Variants in TLCD3A observed in about 807,000 individuals in gnomAD.
The protein encoded by TLCD3A is TLC domain containing 3A, also known as TLC domain-containing protein 3A.
A neutral mutation model predicts 29.9 loss-of-function variants in TLCD3A; 17 were observed. The observed-to-expected ratio is 0.57, with a 90% CI of 0.39 to 0.85. TLCD3A has a LOEUF of 0.85. Among genes scored for constraint, TLCD3A ranks in the 40% least tolerant of loss-of-function variants. The probability of loss-of-function intolerance (pLI) is 0.00; values close to 1 mark genes in which losing one functional copy is unlikely to be tolerated. For missense variants in TLCD3A, 332 were observed against 350.8 expected, an observed-to-expected ratio of 0.95 and a Z score of 0.43; for synonymous variants, 143 against 147.7, an observed-to-expected ratio of 0.97 and a Z score of 0.23.
At chr17:741,198 A>T (rs1443539859) in intron 4 of TLCD3A, 103 bp from the exon 5 acceptor site, 4 of 1,189,294 alleles carry the variant, frequency 3.4e-6, no homozygotes, top group Non-Finnish European at 4.8e-6. Flanking sequence ...CTTGATGAGC[A>T]CCTGCACCTG....
At position 735,986 on chromosome 17, in the gene TLCD3A, CAAAAA is replaced by C. The variant is rs55943725; in HGVS notation, c.207-1844_207-1840del. 6.5e-5 allele frequency among the ~76,000 whole-genome samples: 7 copies of C among 107,244 alleles called. No homozygotes were observed. The South Asian group carries it at 1.5e-3, about 24-fold the overall frequency. The allele number at this position is 107,244 out of a possible 152,430, so 70.4% of individuals were successfully genotyped here. On this transcript the variant is annotated intron_variant, in intron 2 of 4. Transcript: ENST00000308278. ...AAGATTTTGTCTCAAAAACCAAAACCAAAAAAAAAAAAAAAAAAAAGGAACCTGGC... is the reference window on the plus strand; with the variant it reads ...AAGATTTTGTCTCAAAAACCAAAACCAAAAAAAAAAAAAAAGGAACCTGGC...
intron 3 of TLCD3A, among the ~76,000 whole-genome samples, 163 bp downstream of exon 3, chr17:738,210 C>T (rs1974195116): frequency 6.7e-6 from 1 of 148,954 alleles, no homozygotes; most frequent in African/African-American, 2.5e-5. Flanking sequence ...ATTCTCCTGC[C>T]TCAGCCTCCT....
rs2657623 is a variant in TLCD3A, at chr17:733,290, C to T, written c.206+109C>T. 141 of 1,053,820 alleles carry T rather than the reference C, an allele frequency of 1.3e-4. No homozygotes were observed. In the African/African-American group the frequency reaches 2.0e-3, roughly 15 times the overall value. The allele number at this position is 1,053,820 out of a possible 1,614,324, so 65.3% of individuals were successfully genotyped here. On this transcript the variant is annotated intron_variant, in intron 2 of 4. Transcript: ENST00000308278. ...AAAGCTGACTAATGGGAAAAGCTGG[C>T]ACCACAATGGGCTCCTTCTTCCTCT...
At position 742,897 on chromosome 17, in the gene TLCD3A, CTTTTTT is replaced by C. The variant is rs201196821; in HGVS notation, c.*1332_*1337del. 6.7e-6 allele frequency: 1 copy of C among 149,344 alleles called. No homozygotes were observed. Among genetic ancestry groups the C allele is most frequent in the African/African-American group, 2.5e-5 (1 of 40,610 alleles). 9.3% of individuals were successfully genotyped at this position (149,344 alleles called of 1,614,324 possible). On this transcript the variant is annotated 3_prime_UTR_variant, in exon 5 of 5. Coordinates refer to ENST00000308278, the MANE Select transcript of TLCD3A (RefSeq NM_024792.3). ...AAACAAAATGCTATTTTTTAATTGTCTTTTTTTTTTAACTATCAGTGTATCTTTAAA... is the reference window on the plus strand; with the variant it reads ...AAACAAAATGCTATTTTTTAATTGTCTTTTAACTATCAGTGTATCTTTAAA...
chr17:733,929 G>T lies in TLCD3A; in HGVS notation c.206+748G>T, dbSNP rs140929370. On this transcript the variant is annotated intron_variant, in intron 2 of 4. Transcript: ENST00000308278. ...CTTTCCAGGCCCTGCTCTCCTGTGG[G>T]CTCTGCCAAGTCCTGCTTCTCACCT... Among the ~76,000 whole-genome samples, 15 of 152,258 alleles carry T rather than the reference G, an allele frequency of 9.9e-5. No homozygotes were observed. In the South Asian group the frequency reaches 1.0e-3, roughly 11 times the overall value.
intron 1 of TLCD3A, 142 bp downstream of exon 1, chr17:732,911 G>C (rs1308072673): frequency 2.9e-6 from 4 of 1,368,078 alleles, no homozygotes; most frequent in Non-Finnish European, 3.8e-6. Context: ...CCGAGTTTCC[G>C]AAGCCCCTCC....
Position 742,644 on chromosome 17 carries a change from GT to G in TLCD3A, c.*1075del, listed in dbSNP as rs1339707700. 6.6e-6 allele frequency: 1 copy of G among 152,456 alleles called. No homozygotes were observed. The highest frequency in any genetic ancestry group is 2.4e-5 in the African/African-American group (1 of 41,454). The allele number at this position is 152,456 out of a possible 1,614,324, so 9.4% of individuals were successfully genotyped here. On this transcript the variant is annotated 3_prime_UTR_variant, in exon 5 of 5. Transcript: ENST00000308278. Reference sequence around the variant, plus strand: ...GCGGCAGCTAGCCTGGCCAGTGGCTGTCCCGTGGACCGACACCTGCGCCCCC... The same window carrying G: ...GCGGCAGCTAGCCTGGCCAGTGGCTGCCCGTGGACCGACACCTGCGCCCCC...
intron 2 of TLCD3A, among the ~76,000 whole-genome samples, chr17:737,170 TCTGA>T (rs928455075): frequency 1.3e-4 from 19 of 151,774 alleles, no homozygotes; most frequent in African/African-American, 4.6e-4. Context: ...CGCCACCACA[TCTGA>T]CTAATTTTTG....
chr17:740,402 T>C (rs943454574), intron 3 of TLCD3A, 103 bp from the exon 4 acceptor site: 2 of 857,328 alleles, frequency 2.3e-6, no homozygotes, highest in Non-Finnish European at 4.0e-6. Context: ...TTGAGCGTCC[T>C]TTGCCCGTCA....
At position 732,665 on chromosome 17, in the gene TLCD3A, CG is replaced by C. The variant is rs1567768332; in HGVS notation, c.23del (p.Gly8AlafsTer29). 2.2e-6 allele frequency: 3 copies of C among 1,391,928 alleles called. No individual in the cohort carries two copies. The highest frequency in any genetic ancestry group is 2.7e-5 in the Admixed American group (1 of 36,778). The allele number at this position is 1,391,928 out of a possible 1,614,324, so 86.2% of individuals were successfully genotyped here. A position where few individuals can be genotyped will look rare whatever the true frequency, so the allele number is the denominator to read the frequency against. The stretch of plus-strand genomic sequence containing the variant: ...CAGCCCCGATGCTGCTGACGCTGGC[CG>C]GGGGCGCGCTCTTCTTCCCGGGGCT... MLLTLAGGALFFPGLFA... is the reference protein window; with the variant it reads MLLTLAXGALFFPGLFA... On this transcript the variant is annotated frameshift_variant, in exon 1 of 5. Coordinates refer to ENST00000308278, the MANE Select transcript of TLCD3A (RefSeq NM_024792.3). LOFTEE classifies it high-confidence loss of function.
In TLCD3A at chr17:733,124, T is replaced by C; in HGVS notation, c.149T>C (p.Leu50Pro). Residue 50 changes from leucine (L) to proline (P), a missense_variant, in exon 2 of 5, where the codon CTG becomes CCG. Coordinates refer to ENST00000308278, the MANE Select transcript of TLCD3A (RefSeq NM_024792.3). Reference protein sequence around the residue: ...TRLVSSVHAVLATGSGIVIIR... With the variant: ...TRLVSSVHAVPATGSGIVIIR... ...CTGGTTTCCTCGGTGCACGCCGTGCTGGCCACCGGCTCGGGGATCGTCATC... is the reference window on the plus strand; with the variant it reads ...CTGGTTTCCTCGGTGCACGCCGTGCCGGCCACCGGCTCGGGGATCGTCATC... 6.3e-7 allele frequency: 1 copy of C among 1,594,514 alleles called. No individual in the cohort carries two copies. Among genetic ancestry groups the C allele is most frequent in the Non-Finnish European group, 8.5e-7 (1 of 1,171,588 alleles).
chr17:740,622 G>C, intron 4 of TLCD3A, 22 bp downstream of exon 4: 1 of 1,594,380 alleles, frequency 6.3e-7, no homozygotes, highest in African/African-American at 1.3e-5. Flanking sequence ...TGAAATGACA[G>C]AGAGTGTGAG....
chr17:741,825 C>G lies in TLCD3A; in HGVS notation c.*255C>G, dbSNP rs1974260191. The G allele has an allele frequency of 1.9e-6, 1 of 527,984 alleles. No individual in the cohort carries two copies. The highest frequency in any genetic ancestry group is 1.9e-5 in the African/African-American group (1 of 52,364). The allele number at this position is 527,984 out of a possible 1,614,324, so 32.7% of individuals were successfully genotyped here. A position where few individuals can be genotyped will look rare whatever the true frequency, so the allele number is the denominator to read the frequency against. On this transcript the variant is annotated 3_prime_UTR_variant, in exon 5 of 5. Coordinates refer to ENST00000308278, the MANE Select transcript of TLCD3A (RefSeq NM_024792.3). ...GTGGTTTTAATGCAAGCCCAAGGAT[C>G]CTTCTTAAGGTCTTATCTCAAGAGC... is the stretch of plus-strand genomic sequence containing the variant.
chr17:738,721 C>A (rs1177264958), intron 3 of TLCD3A, among the ~76,000 whole-genome samples: 2 of 152,040 alleles, frequency 1.3e-5, no homozygotes, highest in Admixed American at 6.6e-5. Context: ...CACAGGCACA[C>A]ACTACAACGT....
In TLCD3A at chr17:742,740, C is replaced by G. The variant is rs944119214; in HGVS notation, c.*1170C>G. The G allele has an allele frequency of 1.3e-5, 2 of 152,648 alleles. No homozygotes were observed. The highest frequency in any genetic ancestry group is 2.9e-5 in the Non-Finnish European group (2 of 68,040). 9.5% of individuals were successfully genotyped at this position (152,648 alleles called of 1,614,324 possible). A position where few individuals can be genotyped will look rare whatever the true frequency, so the allele number is the denominator to read the frequency against. On this transcript the variant is annotated 3_prime_UTR_variant, in exon 5 of 5. Coordinates refer to ENST00000308278, the MANE Select transcript of TLCD3A (RefSeq NM_024792.3). Reference sequence around the variant, plus strand: ...CCGATCAACTAGGATGAATTTAAGACTGTGCTACCATGTGTTCTCAAGTGG... The same window carrying G: ...CCGATCAACTAGGATGAATTTAAGAGTGTGCTACCATGTGTTCTCAAGTGG...
intron 3 of TLCD3A, 124 bp downstream of exon 3, chr17:738,171 C>G (rs1974194265): frequency 2.7e-6 from 2 of 731,368 alleles, no homozygotes; most frequent in Non-Finnish European, 4.3e-6. Context: ...TCTCAGCTCA[C>G]TGCAACCTCC....
At chr17:732,889 C>T (rs989229322) in intron 1 of TLCD3A, 120 bp downstream of exon 1, 2 of 1,372,168 alleles carry the variant, frequency 1.5e-6, no homozygotes, top group African/African-American at 1.5e-5. Flanking sequence ...GCTCCCTCCG[C>T]GTCCCGGCGG....
rs758863558 is a variant in TLCD3A at position 742,486 on chromosome 17, CA to C, written c.*919del. The C allele has an allele frequency of 6.6e-6, 1 of 152,228 alleles. No homozygotes were observed. Among genetic ancestry groups the C allele is most frequent in the Non-Finnish European group, 1.5e-5 (1 of 68,040 alleles). The allele number at this position is 152,228 out of a possible 1,614,324, so 9.4% of individuals were successfully genotyped here. A position where few individuals can be genotyped will look rare whatever the true frequency, so the allele number is the denominator to read the frequency against. ...GATGTGGAAACCTACTTCTGTCCTC[CA>C]AACCATGAAATGTGTCATCTAGACT... On this transcript the variant is annotated 3_prime_UTR_variant, in exon 5 of 5. Transcript: ENST00000308278.
At chr17:733,290 C>G in intron 2 of TLCD3A, 109 bp downstream of exon 2, 1 of 1,053,822 alleles carries the variant, frequency 9.5e-7, no homozygotes, top group Non-Finnish European at 1.3e-6. Flanking sequence ...GAAAAGCTGG[C>G]ACCACAATGG....
Sources: allele counts gnomAD v4.1 joint callset (sites outside exome capture counted in the v4.1 genomes callset), GRCh38; gene constraint gnomAD v4.1.1; transcripts MANE v1.5; gene names NCBI Gene and HGNC (gene_info 2026-07-23, HGNC 2026-07-21).